Variants in FBXO11 observed in about 807,000 individuals in gnomAD.
The protein encoded by FBXO11 is F-box only protein 11.
In FBXO11, 13 loss-of-function variants were observed where a neutral mutation model predicts 117.0. That is an observed-to-expected ratio of 0.11 (90% CI 0.07 to 0.18). FBXO11 has a LOEUF of 0.18. Ranked by LOEUF, FBXO11 falls within the 10% of genes least tolerant of loss-of-function variation. The pLI, the probability that FBXO11 is intolerant of heterozygous loss-of-function variation, is 1.00. For synonymous variants in FBXO11, 490 were observed against 380.5 expected, an observed-to-expected ratio of 1.29 and a Z score of -3.35; for missense variants, 767 against 1,164.4, an observed-to-expected ratio of 0.66 and a Z score of 4.97.
At chr2:47,848,556 G>T (rs1331957628) in intron 1 of FBXO11, among the ~76,000 whole-genome samples, 1 of 152,014 alleles carries the variant, frequency 6.6e-6, no homozygotes, top group Admixed American at 6.6e-5. Context: ...AAGTTAATAC[G>T]CAATTTAAAA....
intron 1 of FBXO11, among the ~76,000 whole-genome samples, chr2:47,891,719 C>A (rs1677270800): frequency 6.6e-6 from 1 of 152,074 alleles, no homozygotes. Context: ...ATAGTTACAC[C>A]ATTTTGCATT....
At chr2:47,830,775 T>C (rs187172107) in intron 11 of FBXO11, among the ~76,000 whole-genome samples, 28 of 152,214 alleles carry the variant, frequency 1.8e-4, no homozygotes, top group Non-Finnish European at 4.4e-5. Flanking sequence ...TAAGGGACCA[T>C]CCCATCACCA....
At chr2:47,843,993 A>T (rs1435543344) in intron 1 of FBXO11, among the ~76,000 whole-genome samples, 2 of 152,052 alleles carry the variant, frequency 1.3e-5, no homozygotes, top group Non-Finnish European at 2.9e-5. Context: ...TGCCTGCCTC[A>T]GCCTCCCAAA....
chr2:47,824,326 A>G (rs1341854282), intron 11 of FBXO11, among the ~76,000 whole-genome samples: 1 of 152,134 alleles, frequency 6.6e-6, no homozygotes, highest in Non-Finnish European at 1.5e-5. Flanking sequence ...TCTCTACAGA[A>G]AAAGTTAAAA....
chr2:47,861,938 G>C lies in FBXO11; in HGVS notation c.233-22169C>G, dbSNP rs569716013. Among the ~76,000 whole-genome samples, 137 of 149,086 alleles carry C rather than the reference G, an allele frequency of 9.2e-4. 1 individual carries two copies. Among genetic ancestry groups the C allele is most frequent in the African/African-American group, 3.3e-3 (134 of 40,550 alleles). On this transcript the variant is annotated intron_variant, in intron 1 of 22. Coordinates refer to ENST00000403359, the MANE Select transcript of FBXO11 (RefSeq NM_001190274.2). ...TTTTTTTTTCTTGAGATAGAATCTT[G>C]CTCTGTTTCTGTTGCCCAGGCTGGA...
At chr2:47,809,076 T>C (rs1670433956) in intron 21 of FBXO11, 82 bp downstream of exon 21, 3 of 838,324 alleles carry the variant, frequency 3.6e-6, no homozygotes, top group Non-Finnish European at 5.7e-6. Flanking sequence ...CACCGGCAAA[T>C]AGCCAAAAAT....
rs536536084 is a variant in FBXO11 at position 47,845,419 on chromosome 2, A to C, written c.233-5650T>G. ...ACTCTGCGCTGAAGAATATGTGCTA[A>C]TTTCTACATAGTTCTCATATTAAAT... On this transcript the variant is annotated intron_variant, in intron 1 of 22. Transcript: ENST00000403359. Among the ~76,000 whole-genome samples the C allele has an allele frequency of 2.2e-4, 34 of 152,184 alleles. 1 individual carries two copies. Among genetic ancestry groups the C allele is most frequent in the Non-Finnish European group, 4.3e-4 (29 of 68,036 alleles).
At chr2:47,905,282 G>A (rs943605344) in intron 1 of FBXO11, 14 of 341,050 alleles carry the variant, frequency 4.1e-5, no homozygotes, top group South Asian at 1.4e-4. Flanking sequence ...CGAGAGCCCA[G>A]GCGAGAAGGG....
rs2104809673 is a variant in FBXO11 at position 47,832,691 on chromosome 2, T to C, written c.1154-13A>G. On this transcript the variant is annotated splice_polypyrimidine_tract_variant and intron_variant, in intron 9 of 22. Transcript: ENST00000403359. ...ACTGCAGAACCAACTGTAGAAAAAT[T>C]ATTTATTTATGTAAAAACCTACTGG... The C allele has an allele frequency of 6.2e-7, 1 of 1,611,908 alleles. No homozygotes were observed. Among genetic ancestry groups the C allele is most frequent in the Non-Finnish European group, 8.5e-7 (1 of 1,178,708 alleles).
intron 1 of FBXO11, among the ~76,000 whole-genome samples, chr2:47,888,411 AT>A (rs901970863): frequency 6.6e-6 from 1 of 152,190 alleles, no homozygotes; most frequent in African/African-American, 2.4e-5. Flanking sequence ...CTCCAAGATA[AT>A]TTTAAAGTAT....
intron 1 of FBXO11, among the ~76,000 whole-genome samples, chr2:47,892,114 T>C (rs1326953954): frequency 5.3e-5 from 8 of 152,252 alleles, no homozygotes; most frequent in East Asian, 1.9e-4. Flanking sequence ...AGAAGCTTTA[T>C]AGTTTGATGT....
chr2:47,838,981 A>C lies in FBXO11; in HGVS notation c.465T>G (p.Leu155=), dbSNP rs921923778. The C allele has an allele frequency of 1.1e-5, 18 of 1,613,860 alleles. No homozygotes were observed. Among genetic ancestry groups the C allele is most frequent in the African/African-American group, 4.0e-5 (3 of 74,932 alleles). ...DLSAAPAEQY[L]QEKLPDEVVL... ...CCACTTCATCTGGCAGTTTCTCCTG[A>C]AGATACTGTTCAGCAGGTGCTGCTA... The change falls in exon 4 of 23, where the codon CTT becomes CTG. Residue 155 remains leucine (L), a synonymous_variant. Transcript: ENST00000403359.
rs561962677 is a variant in FBXO11, at chr2:47,807,549, G to A, written c.*569C>T. 127 of 213,462 alleles carry A rather than the reference G, an allele frequency of 5.9e-4. No homozygotes were observed. Among genetic ancestry groups the A allele is most frequent in the African/African-American group, 2.6e-3 (115 of 44,290 alleles). 13.2% of individuals were successfully genotyped at this position (213,462 alleles called of 1,614,324 possible). A position where few individuals can be genotyped will look rare whatever the true frequency, so the allele number is the denominator to read the frequency against. Reference sequence around the variant, plus strand: ...TGGGACATGAGTACAGTTACAGCAAGTCTAGGTGTGCTAACAAAACAGGGC... The same window carrying A: ...TGGGACATGAGTACAGTTACAGCAAATCTAGGTGTGCTAACAAAACAGGGC... On this transcript the variant is annotated 3_prime_UTR_variant, in exon 23 of 23. Coordinates refer to ENST00000403359, the MANE Select transcript of FBXO11 (RefSeq NM_001190274.2).
In FBXO11 at chr2:47,826,068, G is replaced by GT. The variant is rs532167507; in HGVS notation, c.1399-2709dup. Among the ~76,000 whole-genome samples, 361 of 151,732 alleles carry GT rather than the reference G, an allele frequency of 2.4e-3. 2 individuals carry two copies. Among genetic ancestry groups the GT allele is most frequent in the African/African-American group, 8.2e-3 (341 of 41,400 alleles). On this transcript the variant is annotated intron_variant, in intron 11 of 22. Coordinates refer to ENST00000403359, the MANE Select transcript of FBXO11 (RefSeq NM_001190274.2). ...TCAAGTACATCCACAAGTTTTTTTG[G>GT]TTTTTTTTGAGACGGAGTCTCACTT... is the stretch of plus-strand genomic sequence containing the variant.
chr2:47,894,419 T>C (rs1175001102), intron 1 of FBXO11, among the ~76,000 whole-genome samples: 1 of 152,122 alleles, frequency 6.6e-6, no homozygotes, highest in African/African-American at 2.4e-5. Context: ...AGATAAACTT[T>C]AAAGGAGTAA....
intron 11 of FBXO11, among the ~76,000 whole-genome samples, chr2:47,829,460 C>G (rs922164406): frequency 6.6e-6 from 1 of 151,922 alleles, no homozygotes; most frequent in Non-Finnish European, 1.5e-5. Context: ...AGGCTGTTCT[C>G]GAATTCCTGA....
intron 1 of FBXO11, among the ~76,000 whole-genome samples, chr2:47,869,130 G>C (rs925656709): frequency 2.0e-5 from 3 of 152,174 alleles, no homozygotes; most frequent in Admixed American, 6.5e-5. Flanking sequence ...TCCACGGCCA[G>C]AATTCACAGG....
chr2:47,862,300 G>A (rs1429032338), intron 1 of FBXO11, among the ~76,000 whole-genome samples: 1 of 152,040 alleles, frequency 6.6e-6, no homozygotes, highest in Non-Finnish European at 1.5e-5. Flanking sequence ...AAAAAGCTCC[G>A]CTGTTCAAGA....
At chr2:47,871,495 A>G (rs1165021769) in intron 1 of FBXO11, among the ~76,000 whole-genome samples, 1 of 152,174 alleles carries the variant, frequency 6.6e-6, no homozygotes, top group Non-Finnish European at 1.5e-5. Context: ...GCATTCATTC[A>G]GTTTTCTGGT....
Sources: gnomAD v4.1 joint callset for allele counts (sites outside exome capture counted in the v4.1 genomes callset) on GRCh38, gnomAD v4.1.1 for gene constraint, MANE v1.5 for transcripts, NCBI Gene and HGNC (gene_info 2026-07-23, HGNC 2026-07-21) for gene names.